Variants in MSANTD1 observed in about 807,000 individuals in gnomAD.
MSANTD1 encodes myb/SANT-like DNA-binding domain-containing protein 1.
In MSANTD1, 7 loss-of-function variants were observed where a neutral mutation model predicts 24.2. The ratio of observed to expected loss-of-function variants is 0.29; its 90% CI spans 0.16 to 0.54. The LOEUF (loss-of-function observed/expected upper bound fraction) is 0.54, where lower values mean the gene tolerates loss of function less well. MSANTD1 is among the 20% of genes least tolerant of loss of function. The pLI is 0.94. For synonymous variants in MSANTD1, 177 were observed against 181.1 expected (o/e 0.98, Z 0.18); for missense variants, 384 against 408.2 (o/e 0.94, Z 0.51).
In MSANTD1 at chr4:3,255,978, C is replaced by A; in HGVS notation, c.*13C>A. 6.7e-7 allele frequency: 1 copy of A among 1,495,994 alleles called. No homozygotes were observed. Among genetic ancestry groups the A allele is most frequent in the Non-Finnish European group, 8.9e-7 (1 of 1,122,880 alleles). 92.7% of individuals were successfully genotyped at this position (1,495,994 alleles called of 1,614,324 possible). A position where few individuals can be genotyped will look rare whatever the true frequency, so the allele number is the denominator to read the frequency against. On this transcript the variant is annotated 3_prime_UTR_variant, in exon 3 of 3. Coordinates refer to ENST00000438480, the MANE Select transcript of MSANTD1 (RefSeq NM_001042690.2). ...GTCCAGCGTCTAGGCCAGCAGGCGG[C>A]GGCGGCGGCGGGGCCGGGCGGCTGG...
chr4:3,253,959 T>G (rs1286870202), intron 2 of MSANTD1, among the ~76,000 whole-genome samples: 1 of 152,170 alleles, frequency 6.6e-6, no homozygotes, highest in African/African-American at 2.4e-5. Context: ...CATCACGTGT[T>G]GCCGTGGGCA....
intron 1 of MSANTD1, among the ~76,000 whole-genome samples, chr4:3,250,617 A>G (rs1206259815): frequency 6.6e-6 from 1 of 152,154 alleles, no homozygotes; most frequent in African/African-American, 2.4e-5. Context: ...TGGAAGCTGC[A>G]GGGGGAGAAT....
chr4:3,250,191 C>G (rs111414115), intron 1 of MSANTD1, among the ~76,000 whole-genome samples: 1 of 152,176 alleles, frequency 6.6e-6, no homozygotes, highest in Non-Finnish European at 1.5e-5. Flanking sequence ...GCTTACGGTG[C>G]GAAGAAGAAA....
intron 1 of MSANTD1, among the ~76,000 whole-genome samples, chr4:3,251,890 G>A (rs1722241109): frequency 2.6e-5 from 4 of 152,144 alleles, no homozygotes; most frequent in South Asian, 2.1e-4. Context: ...TGGGGCAGAG[G>A]TTAGGGATGG....
At chr4:3,244,808 G>C (rs113405915), upstream of MSANTD1, 9 of 152,466 alleles carry the variant, frequency 5.9e-5, no homozygotes, top group Non-Finnish European at 1.3e-4. Context: ...CTGCTCTGCT[G>C]TCTGTGCCAG....
In MSANTD1 at chr4:3,251,624, G is replaced by C. The variant is rs568344734; in HGVS notation, c.321-1583G>C. The stretch of plus-strand genomic sequence containing the variant: ...AGAGGAAGCTGTGGCTGGGTGACTC[G>C]ATCTTTGTCCTTTTTCTTTATACCC... On this transcript the variant is annotated intron_variant, in intron 1 of 2. Transcript: ENST00000438480. Among the ~76,000 whole-genome samples, 5 of 152,150 alleles carry C rather than the reference G, an allele frequency of 3.3e-5. No homozygotes were observed. The South Asian group carries it at 1.0e-3, about 32-fold the overall frequency.
rs1317574141 is a variant in MSANTD1, at chr4:3,253,458, C to T, written c.572C>T (p.Ser191Phe). The T allele has an allele frequency of 6.4e-7, 1 of 1,572,224 alleles. No individual in the cohort carries two copies. The highest frequency in any genetic ancestry group is 2.4e-5 in the East Asian group (1 of 42,384). Reference sequence around the variant, plus strand: ...GAGGATGATCGCTCCGACAGCTCCTCCAGCTTACTGTCCCTTAAGTTCAGG... The same window carrying T: ...GAGGATGATCGCTCCGACAGCTCCTTCAGCTTACTGTCCCTTAAGTTCAGG... ...RFEDDRSDSS[S>F]SLLSLKFRSE... is the part of the protein sequence containing the mutation. The change falls in exon 2 of 3, where the codon TCC (serine) becomes TTC (phenylalanine). Residue 191 changes from serine (S) to phenylalanine (F), a missense_variant. Coordinates refer to ENST00000438480, the MANE Select transcript of MSANTD1 (RefSeq NM_001042690.2).
Position 3,255,892 on chromosome 4 carries a change from A to C in MSANTD1, c.764A>C (p.Gln255Pro), listed in dbSNP as rs566218665. 6.5e-7 allele frequency: 1 copy of C among 1,545,800 alleles called. No homozygotes were observed. The highest frequency in any genetic ancestry group is 1.2e-5 in the South Asian group (1 of 83,940). Residue 255 changes from glutamine (Q) to proline (P), a missense_variant, in exon 3 of 3, where the codon CAG becomes CCG. Physicochemically the swap from Gln to Pro is moderately conservative, Grantham distance 76. Transcript: ENST00000438480. ...RRVLDQQHIL[Q>P]VQSLQLQERM... ...GTGCTGGACCAGCAGCACATCCTGC[A>C]GGTGCAGAGCCTGCAGCTGCAGGAG...
upstream of MSANTD1, chr4:3,244,362 C>T (rs867211112): frequency 6.6e-6 from 1 of 152,312 alleles, no homozygotes; most frequent in Non-Finnish European, 1.5e-5. Flanking sequence ...GGTCATCAGG[C>T]CCAGCACAGA....
At chr4:3,246,321 ACCT>A (rs963190692), upstream of MSANTD1, among the ~76,000 whole-genome samples, 12 of 151,682 alleles carry the variant, frequency 7.9e-5, no homozygotes, top group African/African-American at 2.4e-4. Context: ...TGGGACGCCC[ACCT>A]CCTCTCTGGG....
chr4:3,253,386 C>T lies in MSANTD1; in HGVS notation c.500C>T (p.Thr167Ile), dbSNP rs1209212210. 1 of 1,609,820 alleles carries T rather than the reference C, an allele frequency of 6.2e-7. No individual in the cohort carries two copies. Among genetic ancestry groups the T allele is most frequent in the Non-Finnish European group, 8.5e-7 (1 of 1,178,064 alleles). Residue 167 changes from threonine to isoleucine, a missense_variant, in exon 2 of 3, where the codon ACC (threonine) becomes ATC (isoleucine). Physicochemically the swap from Thr to Ile is moderately conservative, Grantham distance 89 (BLOSUM62 -1). Coordinates refer to ENST00000438480, the MANE Select transcript of MSANTD1 (RefSeq NM_001042690.2). ...TCCCTGTCGCCGCCCGCTAAGTCCA[C>T]CCCTCTGTACTTCCCGTATAACCAG... ...EASLSPPAKS[T>I]PLYFPYNQCS... is the part of the protein sequence containing the mutation.
At chr4:3,253,883 C>T (rs549565095) in intron 2 of MSANTD1, among the ~76,000 whole-genome samples, 1 of 152,376 alleles carries the variant, frequency 6.6e-6, no homozygotes, top group South Asian at 2.1e-4. Flanking sequence ...TCCCTTAGCC[C>T]ACACAGACCC....
rs774382079 is a variant in MSANTD1 at position 3,255,831 on chromosome 4, C to T, written c.703C>T (p.Arg235Cys). 1.6e-5 allele frequency: 24 copies of T among 1,545,572 alleles called. No individual in the cohort carries two copies. Among genetic ancestry groups the T allele is most frequent in the African/African-American group, 5.5e-5 (4 of 72,990 alleles). ...AMVEEQRRLS[R>C]AVEETCREVR... ...GGTGGAGGAGCAGCGCCGGCTGAGC[C>T]GCGCCGTGGAGGAGACCTGCCGCGA... The change falls in exon 3 of 3, where the codon CGC becomes TGC. Residue 235 changes from arginine (R) to cysteine (C), a missense_variant. By Grantham distance (180) the Arg-to-Cys change is radical. Transcript: ENST00000438480.
At chr4:3,255,563 C>T (rs575527225) in intron 2 of MSANTD1, among the ~76,000 whole-genome samples, 162 bp from the exon 3 acceptor site, 11 of 152,292 alleles carry the variant, frequency 7.2e-5, no homozygotes, top group Non-Finnish European at 1.3e-4. Context: ...GGTTCTGGCC[C>T]CTCCTTTGCA....
upstream of MSANTD1, chr4:3,244,573 T>G (rs1162374459): frequency 6.6e-6 from 1 of 152,244 alleles, no homozygotes; most frequent in Non-Finnish European, 1.5e-5. Context: ...CAGCGCCTAC[T>G]CCAAGAAGCC....
chr4:3,255,967 C>G lies in MSANTD1; in HGVS notation c.*2C>G. 1 of 1,519,552 alleles carries G rather than the reference C, an allele frequency of 6.6e-7. No individual in the cohort carries two copies. The highest frequency in any genetic ancestry group is 8.8e-7 in the Non-Finnish European group (1 of 1,132,968). The allele number at this position is 1,519,552 out of a possible 1,614,324, so 94.1% of individuals were successfully genotyped here. A position where few individuals can be genotyped will look rare whatever the true frequency, so the allele number is the denominator to read the frequency against. On this transcript the variant is annotated 3_prime_UTR_variant, in exon 3 of 3. Coordinates refer to ENST00000438480, the MANE Select transcript of MSANTD1 (RefSeq NM_001042690.2). ...ATCATCACCAAGTCCAGCGTCTAGG[C>G]CAGCAGGCGGCGGCGGCGGCGGGGC...
intron 1 of MSANTD1, among the ~76,000 whole-genome samples, chr4:3,252,896 A>G (rs994359997): frequency 6.6e-6 from 1 of 152,276 alleles, no homozygotes; most frequent in African/African-American, 2.4e-5. Context: ...GAGTCTAGAA[A>G]CTATAGAAAA....
intron 1 of MSANTD1, among the ~76,000 whole-genome samples, chr4:3,252,733 C>G (rs916697440): frequency 1.3e-5 from 2 of 152,198 alleles, no homozygotes; most frequent in African/African-American, 4.8e-5. Flanking sequence ...CTGTCGCTCC[C>G]TGAGGCATTC....
At chr4:3,253,152 CAG>C (rs1491480749) in intron 1 of MSANTD1, 53 bp from the exon 2 acceptor site, 8 of 1,474,560 alleles carry the variant, frequency 5.4e-6, no homozygotes, top group South Asian at 1.4e-5. Flanking sequence ...CTGGGCAGGA[CAG>C]GGGCTGGGCC....
Sources: allele counts gnomAD v4.1 joint callset (sites outside exome capture counted in the v4.1 genomes callset), GRCh38; gene constraint gnomAD v4.1.1; transcripts MANE v1.5; gene names NCBI Gene and HGNC (gene_info 2026-07-23, HGNC 2026-07-21).